The following IQGAP2 variants were observed in gnomAD, a reference collection of about 807,000 sequenced individuals.
IQGAP2 encodes IQ motif containing GTPase activating protein 2.
IQGAP2 carries 173 observed loss-of-function variants against 201.3 expected under a neutral mutation model. The observed-to-expected ratio is 0.86, with a 90% confidence interval of 0.76 to 0.98. The LOEUF (loss-of-function observed/expected upper bound fraction) is 0.98. Ranked by LOEUF, IQGAP2 falls within the 50% of genes least tolerant of loss-of-function variation. The probability of loss-of-function intolerance (pLI) is 0.00; values close to 1 mark genes in which losing one functional copy is unlikely to be tolerated. For missense variants in IQGAP2, 1,687 were observed against 1,864.8 expected (o/e 0.90, Z 1.76); for synonymous variants, 675 against 673.9 (o/e 1.00, Z -0.03).
At chr5:76,527,873 A>G (rs752938091) in intron 2 of IQGAP2, among the ~76,000 whole-genome samples, 4 of 152,208 alleles carry the variant, frequency 2.6e-5, no homozygotes, top group Non-Finnish European at 5.9e-5. Flanking sequence ...TGTATCCTGT[A>G]TTAACTTGCT....
intron 2 of IQGAP2, among the ~76,000 whole-genome samples, chr5:76,489,898 G>A (rs1388008557): frequency 1.3e-5 from 2 of 151,990 alleles, no homozygotes; most frequent in South Asian, 2.1e-4. Context: ...TACACTCCAC[G>A]TCCACACCAC....
chr5:76,418,163 C>T (rs1289519018), intron 1 of IQGAP2, among the ~76,000 whole-genome samples: 2 of 145,010 alleles, frequency 1.4e-5, no homozygotes, highest in East Asian at 2.1e-4. Context: ...GCTGAGATTG[C>T]GCCATTGCAT....
At chr5:76,514,953 C>G (rs950752772) in intron 2 of IQGAP2, among the ~76,000 whole-genome samples, 1 of 152,154 alleles carries the variant, frequency 6.6e-6, no homozygotes, top group Non-Finnish European at 1.5e-5. Context: ...AAACTCATTG[C>G]CTATATGACT....
intron 19 of IQGAP2, among the ~76,000 whole-genome samples, chr5:76,654,599 A>C (rs530602501): frequency 6.6e-6 from 1 of 152,372 alleles, no homozygotes; most frequent in African/African-American, 2.4e-5. Flanking sequence ...TACTTTAAAT[A>C]GAAGCCCCTG....
At position 76,627,461 on chromosome 5, in the gene IQGAP2, G is replaced by A. The variant is rs571271336; in HGVS notation, c.1573G>A (p.Val525Ile). ...VLWLDEIQQA[V>I]DDANVDKDRA... Reference sequence around the variant, plus strand: ...TTGGCTGGATGAGATACAGCAAGCCGTCGATGATGCCAACGTGGACAAGGA... The same window carrying A: ...TTGGCTGGATGAGATACAGCAAGCCATCGATGATGCCAACGTGGACAAGGA... The change falls in exon 14 of 36, where the codon GTC becomes ATC. Residue 525 changes from valine to isoleucine, a missense_variant. Transcript: ENST00000274364. 1.1e-5 allele frequency: 18 copies of A among 1,600,760 alleles called. No individual in the cohort carries two copies. The highest frequency in any genetic ancestry group is 5.5e-5 in the South Asian group (5 of 90,704).
At chr5:76,556,916 C>T (rs1743991257) in intron 2 of IQGAP2, among the ~76,000 whole-genome samples, 1 of 152,156 alleles carries the variant, frequency 6.6e-6, no homozygotes, top group Non-Finnish European at 1.5e-5. Context: ...TACAGCACTA[C>T]AAGGGGAAAC....
intron 30 of IQGAP2, among the ~76,000 whole-genome samples, chr5:76,684,371 T>C (rs1292734255): frequency 6.6e-6 from 1 of 152,240 alleles, no homozygotes; most frequent in Non-Finnish European, 1.5e-5. Flanking sequence ...AAACTGATCC[T>C]GGATATATTT....
chr5:76,421,676 A>G (rs1240563409), intron 1 of IQGAP2, among the ~76,000 whole-genome samples: 3 of 152,218 alleles, frequency 2.0e-5, no homozygotes, highest in Non-Finnish European at 4.4e-5. Flanking sequence ...GACCTCAGAT[A>G]TGCAGGACAA....
chr5:76,655,860 G>C (rs1344966275), intron 20 of IQGAP2, among the ~76,000 whole-genome samples: 2 of 152,146 alleles, frequency 1.3e-5, no homozygotes, highest in Non-Finnish European at 2.9e-5. Flanking sequence ...GTTTTTTACA[G>C]ATCATAAGTT....
chr5:76,673,981 T>A lies in IQGAP2; in HGVS notation c.3239T>A (p.Leu1080Gln), dbSNP rs748771675. 1.9e-6 allele frequency: 3 copies of A among 1,606,856 alleles called. No individual in the cohort carries two copies. In the South Asian group the frequency reaches 3.3e-5, roughly 18 times the overall value. Residue 1080 changes from leucine to glutamine, a missense_variant, in exon 26 of 36, where the codon CTG becomes CAG. Transcript: ENST00000274364. ...GGATTGAGGTATATAGCCAAAGTAC[T>A]GAAGAATTCGATCCATGAGAAATTC... is the stretch of plus-strand genomic sequence containing the variant. ...PYGLRYIAKV[L>Q]KNSIHEKFPD...
At chr5:76,617,503 C>G in intron 13 of IQGAP2, 1 of 1,042,044 alleles carries the variant, frequency 9.6e-7, no homozygotes, top group South Asian at 1.6e-5. Flanking sequence ...GGAAATGGAG[C>G]TCCTTGCACT....
intron 1 of IQGAP2, among the ~76,000 whole-genome samples, chr5:76,415,730 C>A (rs1293144231): frequency 6.6e-6 from 1 of 152,088 alleles, no homozygotes; most frequent in East Asian, 1.9e-4. Context: ...TCACTGGAGG[C>A]CAGGAGTTCA....
chr5:76,482,487 A>C (rs542888220), intron 2 of IQGAP2, among the ~76,000 whole-genome samples: 1 of 152,280 alleles, frequency 6.6e-6, no homozygotes, highest in East Asian at 1.9e-4. Flanking sequence ...ACACTACCTA[A>C]TTTCATAAGG....
chr5:76,670,147 G>A (rs958374546), intron 23 of IQGAP2, among the ~76,000 whole-genome samples: 2 of 152,176 alleles, frequency 1.3e-5, no homozygotes, highest in African/African-American at 4.8e-5. Context: ...GGCTCTGGTA[G>A]ACCAGTTATT....
intron 2 of IQGAP2, among the ~76,000 whole-genome samples, chr5:76,472,014 C>T (rs1755139969): frequency 6.6e-6 from 1 of 152,256 alleles, no homozygotes; most frequent in Non-Finnish European, 1.5e-5. Context: ...CCTCTGCTTT[C>T]CACGGGGAGC....
chr5:76,602,391 C>T (rs1339283186), intron 11 of IQGAP2, among the ~76,000 whole-genome samples: 1 of 152,152 alleles, frequency 6.6e-6, no homozygotes, highest in African/African-American at 2.4e-5. Flanking sequence ...AACTGTCCTC[C>T]ACATGACATT....
chr5:76,654,589 T>C (rs1046231071), intron 19 of IQGAP2, among the ~76,000 whole-genome samples: 1 of 152,234 alleles, frequency 6.6e-6, no homozygotes, highest in African/African-American at 2.4e-5. Flanking sequence ...GTTAACTGCT[T>C]ACTTTAAATA....
At chr5:76,666,043 G>C (rs1295538112) in intron 22 of IQGAP2, among the ~76,000 whole-genome samples, 1 of 152,248 alleles carries the variant, frequency 6.6e-6, no homozygotes, top group Non-Finnish European at 1.5e-5. Flanking sequence ...GTCACTGGCA[G>C]TAGATGTATA....
intron 2 of IQGAP2, among the ~76,000 whole-genome samples, chr5:76,533,777 A>T (rs2150210319): frequency 6.6e-6 from 1 of 152,232 alleles, no homozygotes; most frequent in South Asian, 2.1e-4. Flanking sequence ...TGACCTCATG[A>T]TCCGCCTGCT....
Sources: gnomAD v4.1 joint callset for allele counts (sites outside exome capture counted in the v4.1 genomes callset) on GRCh38, gnomAD v4.1.1 for gene constraint, MANE v1.5 for transcripts, NCBI Gene and HGNC (gene_info 2026-07-23, HGNC 2026-07-21) for gene names.